SPTBN1: variants seen among roughly 807,000 people sequenced by gnomAD.
SPTBN1 encodes spectrin beta chain, non-erythrocytic 1.
A neutral mutation model predicts 266.4 loss-of-function variants in SPTBN1; 32 were observed. The ratio of observed to expected loss-of-function variants is 0.12; its 90% CI spans 0.09 to 0.16. The LOEUF (loss-of-function observed/expected upper bound fraction) is 0.16, where lower values mean the gene tolerates loss of function less well. Among genes scored for constraint, SPTBN1 ranks in the 10% least tolerant of loss-of-function variants. The pLI, the probability that SPTBN1 is intolerant of heterozygous loss-of-function variation, is 1.00. For missense variants in SPTBN1, 2,296 were observed against 3,067.1 expected (o/e 0.75, Z 5.94); for synonymous variants, 1,336 against 1,162.2 (o/e 1.15, Z -3.04).
At position 54,659,331 on chromosome 2, in the gene SPTBN1, T is replaced by A. The variant is rs556197325; in HGVS notation, c.6356+65T>A. The stretch of plus-strand genomic sequence containing the variant: ...GGTGGCCAATGAGGTTTATGGGGCA[T>A]CTTTCTGAAGCCTTGCATTGCTAGG... On this transcript the variant is annotated intron_variant, in intron 31 of 35. Transcript: ENST00000356805. 65 of 1,514,074 alleles carry A rather than the reference T, an allele frequency of 4.3e-5. No homozygotes were observed. The Admixed American group carries it at 1.1e-3, about 25-fold the overall frequency. The allele number at this position is 1,514,074 out of a possible 1,614,324, so 93.8% of individuals were successfully genotyped here. A position where few individuals can be genotyped will look rare whatever the true frequency, so the allele number is the denominator to read the frequency against.
intron 2 of SPTBN1, among the ~76,000 whole-genome samples, chr2:54,572,122 G>A (rs139841430): frequency 7.9e-5 from 12 of 152,248 alleles, no homozygotes; most frequent in African/African-American, 2.4e-4. Flanking sequence ...CTTTGGTGAG[G>A]AGAAGAGGAG....
Position 54,628,679 on chromosome 2 carries a change from G to A in SPTBN1, c.1799-254G>A, listed in dbSNP as rs893862133. On this transcript the variant is annotated intron_variant, in intron 13 of 35. Transcript: ENST00000356805. This position sits in a 1 kb window ranked among gnomAD's most constrained non-coding sequence, Gnocchi z 4.3. The stretch of plus-strand genomic sequence containing the variant: ...CAGCTGCCTTTTTCATATGATTCAA[G>A]TGCTTTCTTGCAGGAGGATGATCAC... 6.6e-6 allele frequency among the ~76,000 whole-genome samples: 1 copy of A among 152,142 alleles called. No homozygotes were observed. Among genetic ancestry groups the A allele is most frequent in the African/African-American group, 2.4e-5 (1 of 41,430 alleles).
intron 18 of SPTBN1, 129 bp downstream of exon 18, chr2:54,637,932 C>A (rs1679260465): frequency 1.4e-6 from 1 of 725,592 alleles, no homozygotes; most frequent in Admixed American, 2.7e-5. Flanking sequence ...ATTTGACTCG[C>A]AGGCAGGGAT....
intron 2 of SPTBN1, among the ~76,000 whole-genome samples, chr2:54,546,932 T>C (rs1573385567): frequency 6.8e-6 from 1 of 146,852 alleles, no homozygotes; most frequent in East Asian, 2.0e-4. Context: ...CTGAAGTATG[T>C]TTTTAAAATT....
In SPTBN1 at chr2:54,668,796, T is replaced by C. The variant is rs991692126; in HGVS notation, c.*227T>C. 7.7e-6 allele frequency: 4 copies of C among 518,472 alleles called. No individual in the cohort carries two copies. The highest frequency in any genetic ancestry group is 1.4e-5 in the Non-Finnish European group (4 of 290,122). The allele number at this position is 518,472 out of a possible 1,614,324, so 32.1% of individuals were successfully genotyped here. ...TGCAGAGGGAAGGCCAGATTTTTTT[T>C]TTAATGAAATTATATAGATTAGATC... On this transcript the variant is annotated 3_prime_UTR_variant, in exon 36 of 36. Coordinates refer to ENST00000356805, the MANE Select transcript of SPTBN1 (RefSeq NM_003128.3).
At chr2:54,591,013 G>A (rs977669090) in intron 2 of SPTBN1, among the ~76,000 whole-genome samples, 6 of 152,228 alleles carry the variant, frequency 3.9e-5, no homozygotes, top group Non-Finnish European at 4.4e-5. Flanking sequence ...CACCCAAATT[G>A]TGGTGAGCTT....
In SPTBN1 at chr2:54,624,928, C is replaced by G; in HGVS notation, c.1307C>G (p.Thr436Ser). 6.2e-7 allele frequency: 1 copy of G among 1,609,360 alleles called. No individual in the cohort carries two copies. Among genetic ancestry groups the G allele is most frequent in the Non-Finnish European group, 8.5e-7 (1 of 1,177,866 alleles). The change falls in exon 11 of 36, where the codon ACT becomes AGT. Residue 436 changes from threonine (T) to serine (S), a missense_variant. Coordinates refer to ENST00000356805, the MANE Select transcript of SPTBN1 (RefSeq NM_003128.3). Reference sequence around the variant, plus strand: ...GATCGCAAGGCAGCTATGAGGGAGACTTGGCTGAGCGAAAACCAGCGTCTG... The same window carrying G: ...GATCGCAAGGCAGCTATGAGGGAGAGTTGGCTGAGCGAAAACCAGCGTCTG... ...RFDRKAAMRE[T>S]WLSENQRLVS...
In SPTBN1 at chr2:54,629,678, T is replaced by G. The variant is rs373189053; in HGVS notation, c.2544T>G (p.Thr848=). ...TGCGGAAGCAGGCACTCCAGGACACTCTGGCCCTGTACAAGATGTTCAGCG... is the reference window on the plus strand; with the variant it reads ...TGCGGAAGCAGGCACTCCAGGACACGCTGGCCCTGTACAAGATGTTCAGCG... ...TRLRKQALQD[T]LALYKMFSEA... Residue 848 remains threonine, a synonymous_variant, in exon 14 of 36, where the codon ACT becomes ACG. Transcript: ENST00000356805. 1.9e-4 allele frequency: 307 copies of G among 1,613,794 alleles called. 2 individuals are homozygous for G. Among genetic ancestry groups the G allele is most frequent in the East Asian group, 1.8e-3 (79 of 44,882 alleles).
At position 54,646,571 on chromosome 2, in the gene SPTBN1, C is replaced by G. The variant is rs567918359; in HGVS notation, c.4866+96C>G. ...GGCGGCTCTGTCTGTATAAAAACTT[C>G]CCTTGTAGCCTTTGAGTGTTAAGGG... On this transcript the variant is annotated intron_variant, in intron 23 of 35. Coordinates refer to ENST00000356805, the MANE Select transcript of SPTBN1 (RefSeq NM_003128.3). This position sits in a 1 kb window ranked among gnomAD's most constrained non-coding sequence, Gnocchi z 4.4. The G allele has an allele frequency of 1.8e-5, 25 of 1,363,764 alleles. No individual in the cohort carries two copies. In the East Asian group the frequency reaches 6.5e-4, roughly 36 times the overall value. 84.5% of individuals were successfully genotyped at this position (1,363,764 alleles called of 1,614,324 possible).
At chr2:54,497,610 C>G (rs1669036856) in intron 1 of SPTBN1, among the ~76,000 whole-genome samples, 2 of 152,114 alleles carry the variant, frequency 1.3e-5, no homozygotes, top group South Asian at 4.1e-4. Context: ...TCCTCAAAGG[C>G]AAAACTAACT....
chr2:54,470,340 A>C (rs1289956288), intron 1 of SPTBN1, among the ~76,000 whole-genome samples: 4 of 152,142 alleles, frequency 2.6e-5, no homozygotes, highest in Non-Finnish European at 5.9e-5. Flanking sequence ...ACTGGACTAC[A>C]CTCTTGTTAA....
chr2:54,582,185 A>T (rs1042574813), intron 2 of SPTBN1, among the ~76,000 whole-genome samples: 1 of 152,194 alleles, frequency 6.6e-6, no homozygotes, highest in Non-Finnish European at 1.5e-5. Flanking sequence ...ACATTACAAA[A>T]CTAGTTTTCT....
chr2:54,599,915 T>C (rs1308349878), intron 3 of SPTBN1, among the ~76,000 whole-genome samples: 1 of 152,228 alleles, frequency 6.6e-6, no homozygotes. Context: ...AAGCAGTCAC[T>C]GTGACTGATC....
chr2:54,667,509 G>A (rs1681443369), intron 34 of SPTBN1, 95 bp from the exon 35 acceptor site: 3 of 1,210,740 alleles, frequency 2.5e-6, no homozygotes, highest in East Asian at 2.4e-5. Flanking sequence ...TGTGACTCCT[G>A]TGGTCTACTT....
At chr2:54,595,246 G>A (rs1002199859) in intron 2 of SPTBN1, among the ~76,000 whole-genome samples, 9 of 152,222 alleles carry the variant, frequency 5.9e-5, no homozygotes, top group African/African-American at 2.2e-4. Flanking sequence ...ACCTCCTCTT[G>A]TTTGGTGCTG....
At position 54,611,658 on chromosome 2, in the gene SPTBN1, C is replaced by G. The variant is rs1038830159; in HGVS notation, c.301-503C>G. On this transcript the variant is annotated intron_variant, in intron 3 of 35. Coordinates refer to ENST00000356805, the MANE Select transcript of SPTBN1 (RefSeq NM_003128.3). ...TATACTTCTTTACTTAACCTTCACC[C>G]CATCCCTCCACACACAACCACCACT... Among the ~76,000 whole-genome samples the G allele has an allele frequency of 2.6e-5, 4 of 152,144 alleles. No homozygotes were observed. The South Asian group carries it at 8.3e-4, about 31-fold the overall frequency.
At chr2:54,592,429 G>A (rs534081511) in intron 2 of SPTBN1, among the ~76,000 whole-genome samples, 94 of 150,442 alleles carry the variant, frequency 6.2e-4, no homozygotes, top group African/African-American at 2.3e-3. Flanking sequence ...CTGTTGCCCA[G>A]GCTGGAGTGC....
chr2:54,576,307 G>A (rs1042661674), intron 2 of SPTBN1, among the ~76,000 whole-genome samples: 9 of 151,990 alleles, frequency 5.9e-5, no homozygotes, highest in Non-Finnish European at 1.3e-4. Context: ...ACCCACCTCG[G>A]CCTCCCAAAG....
chr2:54,518,500 T>C (rs1047688038), intron 1 of SPTBN1, among the ~76,000 whole-genome samples: 2 of 152,026 alleles, frequency 1.3e-5, no homozygotes, highest in African/African-American at 2.4e-5. Flanking sequence ...ATACTCCTTT[T>C]TGGCAACTGA....
Sources: allele counts gnomAD v4.1 joint callset (sites outside exome capture counted in the v4.1 genomes callset), GRCh38; gene constraint gnomAD v4.1.1; non-coding constraint Gnocchi (gnomAD v3.1); transcripts MANE v1.5; gene names NCBI Gene and HGNC (gene_info 2026-07-23, HGNC 2026-07-21).